The following CD302 variants were observed in gnomAD, a reference collection of about 807,000 sequenced individuals.
CD302 encodes CD302 molecule.
Under a neutral mutation model 26.5 loss-of-function variants are expected in CD302, and 23 were observed. The ratio of observed to expected loss-of-function variants is 0.87; its 90% confidence interval spans 0.62 to 1.23. CD302 has a LOEUF of 1.23. Among genes scored for constraint, CD302 ranks in the 50% most tolerant of loss-of-function variants. The probability of loss-of-function intolerance (pLI) is 0.00; values close to 1 mark genes in which losing one functional copy is unlikely to be tolerated. For missense variants in CD302, 290 were observed against 275.5 expected, an observed-to-expected ratio of 1.05 and a Z score of -0.37; for synonymous variants, 90 against 99.4, an observed-to-expected ratio of 0.91 and a Z score of 0.56.
rs149056256 is a variant in CD302, at chr2:159,769,051, T to A, written c.*2800A>T. The stretch of plus-strand genomic sequence containing the variant: ...TTGTCATATTAGCTTCAGATTATCA[T>A]GTAAATGACGGTAGAGGAATAAGAG... On this transcript the variant is annotated 3_prime_UTR_variant, in exon 6 of 6. Coordinates refer to ENST00000259053, the MANE Select transcript of CD302 (RefSeq NM_014880.5). 16 of 152,324 alleles carry A rather than the reference T, an allele frequency of 1.1e-4. No individual in the cohort carries two copies. Among genetic ancestry groups the A allele is most frequent in the Admixed American group, 2.6e-4 (4 of 15,304 alleles). The allele number at this position is 152,324 out of a possible 1,614,324, so 9.4% of individuals were successfully genotyped here. A position where few individuals can be genotyped will look rare whatever the true frequency, so the allele number is the denominator to read the frequency against.
chr2:159,797,340 T>C (rs930923346), intron 1 of CD302, among the ~76,000 whole-genome samples: 6 of 152,206 alleles, frequency 3.9e-5, no homozygotes, highest in Admixed American at 6.5e-5. Context: ...ATTCAGTCAG[T>C]GGTGTTTTTG....
In CD302 at chr2:159,769,424, C is replaced by CTT; in HGVS notation, c.*2425_*2426dup. ...TTGGGAGACCAAGGTGGGTGGATCA[C>CTT]TTGAGGTCAGGAGTTTGAGACCAGC... is the stretch of plus-strand genomic sequence containing the variant. On this transcript the variant is annotated 3_prime_UTR_variant, in exon 6 of 6. Coordinates refer to ENST00000259053, the MANE Select transcript of CD302 (RefSeq NM_014880.5). 1 of 152,224 alleles carries CTT rather than the reference C, an allele frequency of 6.6e-6. No homozygotes were observed. Among genetic ancestry groups the CTT allele is most frequent in the Non-Finnish European group, 1.5e-5 (1 of 68,060 alleles). 9.4% of individuals were successfully genotyped at this position (152,224 alleles called of 1,614,324 possible).
intron 1 of CD302, among the ~76,000 whole-genome samples, chr2:159,785,021 C>T (rs371207519): frequency 4.9e-4 from 70 of 141,734 alleles, no homozygotes; most frequent in African/African-American, 1.7e-3. Flanking sequence ...GTCACCCAGG[C>T]TAGAGTGCAG....
At chr2:159,779,397 A>T (rs1396107405) in intron 4 of CD302, among the ~76,000 whole-genome samples, 2 of 152,156 alleles carry the variant, frequency 1.3e-5, no homozygotes, top group African/African-American at 2.4e-5. Flanking sequence ...GGAATTATAC[A>T]TGATTACTCT....
intron 5 of CD302, among the ~76,000 whole-genome samples, chr2:159,773,099 A>T (rs1213240702): frequency 6.6e-6 from 1 of 152,120 alleles, no homozygotes; most frequent in African/African-American, 2.4e-5. Context: ...GGCTACGGCA[A>T]CCTCCGCCTT....
Position 159,779,959 on chromosome 2 carries a change from T to G in CD302, c.469+46A>C, listed in dbSNP as rs759082149. 3 of 1,572,636 alleles carry G rather than the reference T, an allele frequency of 1.9e-6. No individual in the cohort carries two copies. In the East Asian group the frequency reaches 6.7e-5, roughly 35 times the overall value. On this transcript the variant is annotated intron_variant, in intron 4 of 5. Coordinates refer to ENST00000259053, the MANE Select transcript of CD302 (RefSeq NM_014880.5). The stretch of plus-strand genomic sequence containing the variant: ...AAATTATTTTAAAACCAGTCCTACT[T>G]TCTCTGCCCCTTCTAGAATGGAAAA...
intron 4 of CD302, among the ~76,000 whole-genome samples, chr2:159,778,885 T>C (rs1574490067): frequency 6.6e-6 from 1 of 152,070 alleles, no homozygotes; most frequent in East Asian, 1.9e-4. Flanking sequence ...GTGTAGTGTT[T>C]TAACAAATAA....
At chr2:159,780,510 A>ATGTACATATGTACT (rs1162774127) in intron 3 of CD302, among the ~76,000 whole-genome samples, 2 of 152,234 alleles carry the variant, frequency 1.3e-5, no homozygotes, top group Non-Finnish European at 2.9e-5. Context: ...GTACTTTTAT[A>ATGTACATATGTACT]TTTGTACATA....
intron 5 of CD302, among the ~76,000 whole-genome samples, chr2:159,776,166 T>C (rs887117653): frequency 1.3e-5 from 2 of 152,102 alleles, no homozygotes; most frequent in Admixed American, 6.6e-5. Flanking sequence ...GCCTGGCTTA[T>C]TTTGTTTAGC....
chr2:159,772,084 G>A (rs1282497042), intron 5 of CD302, 31 bp from the exon 6 acceptor site: 1 of 1,606,090 alleles, frequency 6.2e-7, no homozygotes, highest in Non-Finnish European at 8.5e-7. Flanking sequence ...GAGTATTTGG[G>A]AAATTAGGGT....
rs1485812169 is a variant in CD302, at chr2:159,783,358, C to CA, written c.178_178+1insT (p.Gly60ValfsTer9). ...CAAACAGAAAAGAATAAGCCTTTTA[C>CA]CATGGTCAGTACACTGATTTCTGAC... On this transcript the variant is annotated frameshift_variant and splice_region_variant. Transcript: ENST00000259053. LOFTEE classifies it high-confidence loss of function. The CA allele has an allele frequency of 6.3e-7, 1 of 1,580,754 alleles. No homozygotes were observed.
chr2:159,792,350 C>T (rs1315239073), intron 1 of CD302, among the ~76,000 whole-genome samples: 1 of 152,056 alleles, frequency 6.6e-6, no homozygotes, highest in African/African-American at 2.4e-5. Context: ...GATTGTCACA[C>T]TGTCTTATTT....
chr2:159,785,784 A>G (rs754839306), intron 1 of CD302, among the ~76,000 whole-genome samples: 12 of 152,172 alleles, frequency 7.9e-5, no homozygotes, highest in Non-Finnish European at 1.2e-4. Context: ...CAGGCCATCT[A>G]TACCACCTTC....
rs757802841 is a variant in CD302, at chr2:159,798,146, G to A, written c.53C>T (p.Ala18Val). Residue 18 changes from alanine (A) to valine (V), a missense_variant, in exon 1 of 6, where the codon GCT becomes GTT. Transcript: ENST00000259053. Reference protein sequence around the residue: ...ALLLPLLGLAAAAVADCPSST... With the variant: ...ALLLPLLGLAVAAVADCPSST... ...TAAGGGCTTACCCGCGACGGCAGCA[G>A]CGGCGAGGCCCAGCAACGGCAGCAG... 1 of 1,485,986 alleles carries A rather than the reference G, an allele frequency of 6.7e-7. No individual in the cohort carries two copies. The highest frequency in any genetic ancestry group is 1.3e-5 in the South Asian group (1 of 79,046). 92.1% of individuals were successfully genotyped at this position (1,485,986 alleles called of 1,614,324 possible). A position where few individuals can be genotyped will look rare whatever the true frequency, so the allele number is the denominator to read the frequency against.
intron 1 of CD302, among the ~76,000 whole-genome samples, chr2:159,795,504 C>G (rs1406433224): frequency 6.6e-6 from 1 of 152,132 alleles, no homozygotes; most frequent in Non-Finnish European, 1.5e-5. Flanking sequence ...AGAGAAGCAA[C>G]AAGCAAGACA....
chr2:159,781,916 T>C (rs553167948), intron 2 of CD302, among the ~76,000 whole-genome samples: 1 of 152,286 alleles, frequency 6.6e-6, no homozygotes, highest in East Asian at 1.9e-4. Flanking sequence ...AAGGTATCCC[T>C]AGTACAATTT....
At chr2:159,774,475 T>G (rs574652114) in intron 5 of CD302, among the ~76,000 whole-genome samples, 1 of 152,320 alleles carries the variant, frequency 6.6e-6, no homozygotes, top group African/African-American at 2.4e-5. Flanking sequence ...AAAAACTATA[T>G]GAAACATTTT....
At chr2:159,791,079 T>C (rs1401707820) in intron 1 of CD302, among the ~76,000 whole-genome samples, 4 of 152,218 alleles carry the variant, frequency 2.6e-5, no homozygotes, top group African/African-American at 9.6e-5. Flanking sequence ...TGGCAGCTCA[T>C]GTGTCAATTC....
chr2:159,783,259 C>T, intron 2 of CD302, 100 bp downstream of exon 2: 1 of 907,098 alleles, frequency 1.1e-6, no homozygotes, highest in Admixed American at 3.1e-5. Context: ...TCTCAGGACC[C>T]AGTTAAAAGT....
Sources: allele counts gnomAD v4.1 joint callset (sites outside exome capture counted in the v4.1 genomes callset), GRCh38; gene constraint gnomAD v4.1.1; transcripts MANE v1.5; gene names NCBI Gene and HGNC (gene_info 2026-07-23, HGNC 2026-07-21).